Variants in ANKRD30A observed in about 807,000 individuals in gnomAD.
ANKRD30A encodes ankyrin repeat domain 30A, also known as ankyrin repeat domain-containing protein 30A.
Under a neutral mutation model 166.3 loss-of-function variants are expected in ANKRD30A, and 170 were observed. That is an observed-to-expected ratio of 1.02 (90% CI 0.90 to 1.16). The LOEUF (loss-of-function observed/expected upper bound fraction) is 1.16, where lower values mean the gene tolerates loss of function less well. Ranked by LOEUF, ANKRD30A falls within the 50% of genes most tolerant of loss-of-function variation. The pLI is 0.00. For missense variants in ANKRD30A, 1,630 were observed against 1,518.0 expected, an observed-to-expected ratio of 1.07 and a Z score of -1.23; for synonymous variants, 564 against 508.9, an observed-to-expected ratio of 1.11 and a Z score of -1.46.
At chr10:37,192,473 A>G (rs2132660271) in intron 25 of ANKRD30A, among the ~76,000 whole-genome samples, 1 of 151,970 alleles carries the variant, frequency 6.6e-6, no homozygotes, top group African/African-American at 2.4e-5. Context: ...AAAAATGAAT[A>G]TATTTATTAA....
chr10:37,228,784 A>G (rs1588963581), intron 34 of ANKRD30A, among the ~76,000 whole-genome samples: 1 of 152,140 alleles, frequency 6.6e-6, no homozygotes, highest in South Asian at 2.1e-4. Context: ...ATAAATTAAT[A>G]TCAACCTCTA....
chr10:37,204,296 A>T (rs1182455644), intron 31 of ANKRD30A, among the ~76,000 whole-genome samples: 1 of 151,838 alleles, frequency 6.6e-6, no homozygotes, highest in African/African-American at 2.4e-5. Context: ...AGAGATATAG[A>T]TGAATGGAAC....
intron 25 of ANKRD30A, among the ~76,000 whole-genome samples, chr10:37,190,241 TG>T (rs1387159436): frequency 6.6e-6 from 1 of 151,888 alleles, no homozygotes; most frequent in Non-Finnish European, 1.5e-5. Context: ...TCAGCCGACT[TG>T]GGATTCTGCA....
chr10:37,233,293 G>T (rs1225518914), downstream of ANKRD30A, among the ~76,000 whole-genome samples: 5 of 152,056 alleles, frequency 3.3e-5, no homozygotes, highest in African/African-American at 9.7e-5. Flanking sequence ...TATGGTCAGG[G>T]TCTAAGTGCT....
At chr10:37,238,074 A>G in the ANKRD30A span, among the ~76,000 whole-genome samples, 1 of 152,194 alleles carries the variant, frequency 6.6e-6, no homozygotes, top group African/African-American at 2.4e-5. Flanking sequence ...AGGTGGAGCC[A>G]TCAATATCCA....
chr10:37,235,883 C>G (rs1339886491), downstream of ANKRD30A, among the ~76,000 whole-genome samples: 8 of 151,446 alleles, frequency 5.3e-5, no homozygotes, highest in African/African-American at 9.7e-5. Context: ...CATTCTCCTG[C>G]CACAGCCTCC....
At chr10:37,194,386 G>T (rs527385372) in intron 27 of ANKRD30A, among the ~76,000 whole-genome samples, 1 of 151,232 alleles carries the variant, frequency 6.6e-6, no homozygotes, top group Admixed American at 6.6e-5. Flanking sequence ...AGCTCGACCA[G>T]GCTGGAGTGC....
chr10:37,229,976 A>C (rs762170085), intron 34 of ANKRD30A, among the ~76,000 whole-genome samples: 1 of 151,950 alleles, frequency 6.6e-6, no homozygotes, highest in Non-Finnish European at 1.5e-5. Flanking sequence ...AGTTATTTTT[A>C]AATGTACAAT....
intron 24 of ANKRD30A, among the ~76,000 whole-genome samples, chr10:37,179,497 G>C (rs1588872691): frequency 6.6e-6 from 1 of 150,750 alleles, no homozygotes. Context: ...TACATTATGG[G>C]AATGAATACC....
intron 25 of ANKRD30A, among the ~76,000 whole-genome samples, chr10:37,191,903 A>C (rs1767381): frequency 6.6e-6 from 1 of 151,954 alleles, no homozygotes; most frequent in South Asian, 2.1e-4. Flanking sequence ...GCTGAGACAA[A>C]AGAATGGCGT....
chr10:37,257,675 G>T, the ANKRD30A span, among the ~76,000 whole-genome samples: 1 of 152,146 alleles, frequency 6.6e-6, no homozygotes, highest in Non-Finnish European at 1.5e-5. Flanking sequence ...TAATTCAGGA[G>T]CAGCTTGTTC....
intron 9 of ANKRD30A, 143 bp downstream of exon 9, chr10:37,147,600 A>G (rs991379678): frequency 1.4e-5 from 7 of 518,334 alleles, no homozygotes; most frequent in Admixed American, 3.9e-5. Context: ...TAAGTTATGT[A>G]TCTTTTCAGG....
intron 6 of ANKRD30A, among the ~76,000 whole-genome samples, chr10:37,140,471 T>C (rs1220279903): frequency 6.6e-6 from 1 of 152,206 alleles, no homozygotes; most frequent in Non-Finnish European, 1.5e-5. Flanking sequence ...AAGCAATTAT[T>C]TGTTGAGAAG....
chr10:37,227,684 A>C (rs964483345), intron 34 of ANKRD30A, among the ~76,000 whole-genome samples: 6 of 151,974 alleles, frequency 3.9e-5, no homozygotes, highest in Non-Finnish European at 5.9e-5. Context: ...TCAAGCTTAC[A>C]AAGACAAGAG....
Position 37,162,737 on chromosome 10 carries a change from A to G in ANKRD30A, c.1930-39A>G, listed in dbSNP as rs751768253. ...ATTATCTATGTATTTTGTGAAGTAT[A>G]CATTCTTTATTAATCATTTTGCTTC... On this transcript the variant is annotated intron_variant, in intron 16 of 35. Transcript: ENST00000361713. The G allele has an allele frequency of 2.7e-5, 43 of 1,613,302 alleles. No homozygotes were observed. In the Admixed American group the frequency reaches 7.0e-4, roughly 26 times the overall value.
At chr10:37,217,607 T>G in intron 32 of ANKRD30A, 88 bp from the exon 33 acceptor site, 1 of 1,095,586 alleles carries the variant, frequency 9.1e-7, no homozygotes, top group Non-Finnish European at 1.2e-6. Flanking sequence ...TTTATTGGAC[T>G]AATAACCCAA....
At chr10:37,223,006 A>G (rs1411561405) in intron 34 of ANKRD30A, among the ~76,000 whole-genome samples, 1 of 151,466 alleles carries the variant, frequency 6.6e-6, no homozygotes, top group Non-Finnish European at 1.5e-5. Flanking sequence ...AGACATTGAC[A>G]TAATAAAGTT....
rs189195791 is a variant in ANKRD30A at position 37,219,018 on chromosome 10, T to A, written c.3306T>A (p.His1102Gln). ...ATGAAAATGAAAATTATCTCTTACA[T>A]GAAAATTGCATGTTGAAAAAGGAAA... ...HTHENENYLL[H>Q]ENCMLKKEIA... Residue 1102 changes from histidine (H) to glutamine (Q), a missense_variant, in exon 34 of 36, where the codon CAT becomes CAA. By Grantham distance (24) the His-to-Gln change is conservative (BLOSUM62 0). Transcript: ENST00000361713. 116 of 1,592,962 alleles carry A rather than the reference T, an allele frequency of 7.3e-5. No homozygotes were observed. The African/African-American group carries it at 1.2e-3, about 16-fold the overall frequency.
intron 12 of ANKRD30A, among the ~76,000 whole-genome samples, chr10:37,152,930 G>A (rs549869149): frequency 3.5e-4 from 53 of 152,176 alleles, no homozygotes; most frequent in Non-Finnish European, 5.3e-4. Context: ...TTTAACACTT[G>A]TTTGCTTTCA....
Sources: allele counts gnomAD v4.1 joint callset (sites outside exome capture counted in the v4.1 genomes callset), GRCh38; gene constraint gnomAD v4.1.1; transcripts MANE v1.5; gene names NCBI Gene and HGNC (gene_info 2026-07-23, HGNC 2026-07-21).